Variants in MYT1L observed in about 807,000 individuals in gnomAD.
The protein encoded by MYT1L is myelin transcription factor 1 like, also known as myelin transcription factor 1-like protein.
A neutral mutation model predicts 126.7 loss-of-function variants in MYT1L; 12 were observed. The ratio of observed to expected loss-of-function variants is 0.09; its 90% CI spans 0.06 to 0.15. The LOEUF (loss-of-function observed/expected upper bound fraction) is 0.15. Ranked by LOEUF, MYT1L falls within the 10% of genes least tolerant of loss-of-function variation. The pLI, the probability that MYT1L is intolerant of heterozygous loss-of-function variation, is 1.00. For synonymous variants in MYT1L, 541 were observed against 604.2 expected (o/e 0.90, Z 1.53); for missense variants, 979 against 1,585.2 (o/e 0.62, Z 6.49).
chr2:1,855,588 G>A (rs1445827633), intron 18 of MYT1L, among the ~76,000 whole-genome samples: 2 of 152,176 alleles, frequency 1.3e-5, no homozygotes, highest in African/African-American at 4.8e-5. Flanking sequence ...CAGTTACCAC[G>A]AACAATAACA....
At chr2:2,075,727 A>G (rs535626924) in intron 3 of MYT1L, among the ~76,000 whole-genome samples, 4 of 152,378 alleles carry the variant, frequency 2.6e-5, no homozygotes, top group Non-Finnish European at 5.9e-5. Context: ...GCATTAAAAA[A>G]GCTTATGGGT....
intron 2 of MYT1L, among the ~76,000 whole-genome samples, chr2:2,273,192 G>A (rs1452880937): frequency 6.6e-6 from 1 of 152,170 alleles, no homozygotes; most frequent in Non-Finnish European, 1.5e-5. Context: ...GGCACCAATG[G>A]CCTATTTACT....
intron 2 of MYT1L, among the ~76,000 whole-genome samples, chr2:2,190,347 C>T (rs1430090016): frequency 6.6e-6 from 1 of 151,636 alleles, no homozygotes; most frequent in Non-Finnish European, 1.5e-5. Context: ...CCCAGCTACT[C>T]GGGAGGCTGA....
intron 4 of MYT1L, among the ~76,000 whole-genome samples, chr2:2,037,396 T>G (rs1209918261): frequency 1.3e-5 from 2 of 152,098 alleles, no homozygotes; most frequent in African/African-American, 4.8e-5. Flanking sequence ...TCTCCAGTTA[T>G]GATGGTGGTT....
intron 3 of MYT1L, among the ~76,000 whole-genome samples, chr2:2,151,018 G>A (rs990482454): frequency 2.0e-5 from 3 of 152,104 alleles, no homozygotes; most frequent in African/African-American, 7.2e-5. Flanking sequence ...GGATGTCAAA[G>A]TTTAGGAGAG....
chr2:2,100,117 C>A (rs1559007970), intron 3 of MYT1L, among the ~76,000 whole-genome samples: 1 of 152,116 alleles, frequency 6.6e-6, no homozygotes, highest in Non-Finnish European at 1.5e-5. Context: ...TTAATCCAAT[C>A]TTAGGTTCAA....
intron 8 of MYT1L, among the ~76,000 whole-genome samples, chr2:1,965,156 G>GATGAACGCTTTGTTT (rs2059246143): frequency 8.0e-5 from 12 of 149,252 alleles, no homozygotes; most frequent in African/African-American, 2.0e-4. Flanking sequence ...GTGACTTGCA[G>GATGAACGCTTTGTTT]GGACCAGGCA....
intron 8 of MYT1L, among the ~76,000 whole-genome samples, chr2:1,958,353 A>G (rs1305698995): frequency 1.3e-5 from 2 of 152,056 alleles, no homozygotes; most frequent in Non-Finnish European, 1.5e-5. Context: ...GCCACTGCAG[A>G]TGGAAACCAG....
intron 3 of MYT1L, among the ~76,000 whole-genome samples, chr2:2,090,541 G>T (rs956582743): frequency 2.6e-5 from 4 of 152,198 alleles, no homozygotes; most frequent in Non-Finnish European, 4.4e-5. Flanking sequence ...GTCGATGGCT[G>T]CTGACTGATC....
At chr2:2,272,124 C>T (rs1465447154) in intron 2 of MYT1L, among the ~76,000 whole-genome samples, 1 of 152,140 alleles carries the variant, frequency 6.6e-6, no homozygotes, top group East Asian at 1.9e-4. Flanking sequence ...CCCTTATTGC[C>T]CAGCTCTCTT....
At chr2:1,808,967 G>A (rs796719313) in intron 22 of MYT1L, 109 bp downstream of exon 22, 9 of 971,392 alleles carry the variant, frequency 9.3e-6, no homozygotes, top group African/African-American at 1.6e-5. Context: ...CTCTGCCCCT[G>A]CTTTCTAAGA....
At chr2:2,122,837 A>ATGTG (rs200951880) in intron 3 of MYT1L, among the ~76,000 whole-genome samples, 3,499 of 135,520 alleles carry the variant, frequency 0.026, 80 homozygotes, top group African/African-American at 0.059. Context: ...GAGGATAGGA[A>ATGTG]TGTGTGTGTG....
chr2:2,047,347 T>C (rs1373063506), intron 4 of MYT1L, among the ~76,000 whole-genome samples: 1 of 152,224 alleles, frequency 6.6e-6, no homozygotes, highest in Non-Finnish European at 1.5e-5. Context: ...ATATTAACGC[T>C]AACATGATTT....
Position 1,817,293 on chromosome 2 carries a change from AG to A in MYT1L, c.3081-8127del, listed in dbSNP as rs932080694. On this transcript the variant is annotated intron_variant, in intron 21 of 24. Coordinates refer to ENST00000647738, the MANE Select transcript of MYT1L (RefSeq NM_001303052.2). ...TCCAGGAAGCAGAGGCCACCGGTGC[AG>A]GGAGGCAAGTCCCCCATGGGTGGGG... Among the ~76,000 whole-genome samples, 44 of 152,254 alleles carry A rather than the reference AG, an allele frequency of 2.9e-4. 1 individual carries two copies. The highest frequency in any genetic ancestry group is 8.4e-4 in the African/African-American group (35 of 41,560).
chr2:1,981,572 G>A (rs369096200), intron 5 of MYT1L, among the ~76,000 whole-genome samples: 3 of 152,252 alleles, frequency 2.0e-5, no homozygotes, highest in Admixed American at 6.5e-5. Flanking sequence ...TTGGAAAGAC[G>A]ACATCAGACG....
chr2:1,908,653 C>T (rs908855718), intron 13 of MYT1L, among the ~76,000 whole-genome samples: 2 of 152,194 alleles, frequency 1.3e-5, no homozygotes, highest in African/African-American at 2.4e-5. Flanking sequence ...CGCAGCCCCG[C>T]GGGTTGGTCT....
intron 1 of MYT1L, among the ~76,000 whole-genome samples, chr2:2,311,347 A>C (rs2095967316): frequency 2.0e-5 from 3 of 152,218 alleles, no homozygotes; most frequent in Admixed American, 2.0e-4. Flanking sequence ...ACAAGGATGC[A>C]GCTGAGCGGC....
chr2:2,240,950 G>A (rs1357632797), intron 2 of MYT1L, among the ~76,000 whole-genome samples: 2 of 152,146 alleles, frequency 1.3e-5, no homozygotes, highest in Non-Finnish European at 2.9e-5. Flanking sequence ...TCACAGATGT[G>A]TCCCTGCGAT....
chr2:2,038,591 C>A (rs773099777), intron 4 of MYT1L, among the ~76,000 whole-genome samples: 7 of 152,180 alleles, frequency 4.6e-5, no homozygotes, highest in Non-Finnish European at 5.9e-5. Context: ...TTCCTGCCAC[C>A]AAATATCTCC....
Sources: allele counts gnomAD v4.1 joint callset (sites outside exome capture counted in the v4.1 genomes callset), GRCh38; gene constraint gnomAD v4.1.1; transcripts MANE v1.5; gene names NCBI Gene and HGNC (gene_info 2026-07-23, HGNC 2026-07-21).